PCDH15: variants seen among roughly 807,000 people sequenced by gnomAD.
The protein encoded by PCDH15 is protocadherin-15.
A neutral mutation model predicts 178.5 loss-of-function variants in PCDH15; 129 were observed. That is an observed-to-expected ratio of 0.72 (90% CI 0.63 to 0.84). PCDH15 has a LOEUF of 0.84. Among genes scored for constraint, PCDH15 ranks in the 40% least tolerant of loss-of-function variants. The pLI, the probability that PCDH15 is intolerant of heterozygous loss-of-function variation, is 0.00. For synonymous variants in PCDH15, 800 were observed against 732.0 expected, an observed-to-expected ratio of 1.09 and a Z score of -1.50; for missense variants, 2,230 against 2,099.9, an observed-to-expected ratio of 1.06 and a Z score of -1.21.
chr10:54,962,308 G>T (rs1267537219), intron 2 of PCDH15, among the ~76,000 whole-genome samples: 2 of 152,176 alleles, frequency 1.3e-5, no homozygotes. Flanking sequence ...CACCCCACGT[G>T]ATGGGAAGCA....
intron 25 of PCDH15, among the ~76,000 whole-genome samples, chr10:53,914,733 T>C (rs2083404318): frequency 6.6e-6 from 1 of 152,102 alleles, no homozygotes; most frequent in Non-Finnish European, 1.5e-5. Context: ...ATGCACATTG[T>C]GCACATGTAC....
intron 1 of PCDH15, among the ~76,000 whole-genome samples, chr10:55,168,273 T>A (rs1839246426): frequency 6.6e-6 from 1 of 152,160 alleles, no homozygotes; most frequent in African/African-American, 2.4e-5. Flanking sequence ...TGGTAGCATA[T>A]GAGACAATTT....
chr10:54,475,992 T>C (rs935462435), intron 3 of PCDH15, among the ~76,000 whole-genome samples: 2 of 146,736 alleles, frequency 1.4e-5, no homozygotes, highest in African/African-American at 4.9e-5. Flanking sequence ...ATATGATATA[T>C]ATACATATAT....
intron 2 of PCDH15, among the ~76,000 whole-genome samples, chr10:54,976,018 A>G (rs1839061721): frequency 6.6e-6 from 1 of 152,048 alleles, no homozygotes; most frequent in Non-Finnish European, 1.5e-5. Flanking sequence ...TCCATCCTTA[A>G]GTGTATCATG....
rs577584821 is a variant in PCDH15, at chr10:53,897,421, A to T, written c.3501+5822T>A. Among the ~76,000 whole-genome samples the T allele has an allele frequency of 9.2e-5, 14 of 152,342 alleles. No individual in the cohort carries two copies. In the South Asian group the frequency reaches 2.5e-3, roughly 27 times the overall value. ...AATTAAATTAAATATAGTTTAAAAA[A>T]TTTTAAAGTTTAAAACATTTTATAA... On this transcript the variant is annotated intron_variant, in intron 26 of 37. Coordinates refer to ENST00000644397, the MANE Select transcript of PCDH15 (RefSeq NM_001384140.1).
intron 5 of PCDH15, among the ~76,000 whole-genome samples, chr10:54,355,481 C>A (rs1395571615): frequency 6.6e-6 from 1 of 151,840 alleles, no homozygotes; most frequent in Non-Finnish European, 1.5e-5. Flanking sequence ...CATTCTTAAA[C>A]ACTGTGCAAT....
chr10:55,218,799 C>T (rs542388031), intron 1 of PCDH15, among the ~76,000 whole-genome samples: 5 of 152,056 alleles, frequency 3.3e-5, no homozygotes, highest in Admixed American at 1.3e-4. Context: ...AGAGATAAAG[C>T]TCTGTGACCC....
intron 3 of PCDH15, among the ~76,000 whole-genome samples, chr10:54,420,522 G>T (rs1321685982): frequency 6.6e-6 from 1 of 152,092 alleles, no homozygotes; most frequent in Non-Finnish European, 1.5e-5. Flanking sequence ...ACGATTCATG[G>T]AGCAGGTCAA....
intron 25 of PCDH15, among the ~76,000 whole-genome samples, chr10:53,928,780 A>T (rs138026279): frequency 2.4e-3 from 364 of 152,130 alleles, no homozygotes; most frequent in African/African-American, 8.6e-3. Flanking sequence ...ACTCTCTGGA[A>T]AGCATAAGTT....
chr10:53,908,368 T>C (rs1261146958), intron 25 of PCDH15, among the ~76,000 whole-genome samples: 1 of 152,224 alleles, frequency 6.6e-6, no homozygotes, highest in Non-Finnish European at 1.5e-5. Flanking sequence ...ATGGAAAGTT[T>C]CCAAATGCTA....
chr10:54,329,759 A>G, intron 6 of PCDH15, 53 bp from the exon 7 acceptor site: 2 of 1,160,868 alleles, frequency 1.7e-6, no homozygotes, highest in East Asian at 2.3e-5. Context: ...AGATGAATTA[A>G]TAACTCAATA....
intron 5 of PCDH15, among the ~76,000 whole-genome samples, chr10:54,347,480 C>T (rs561270718): frequency 1.6e-4 from 25 of 152,206 alleles, no homozygotes; most frequent in Admixed American, 1.2e-3. Context: ...ACAGACTGGA[C>T]GCTTTTAATG....
At chr10:54,210,218 T>G (rs2134070237) in intron 10 of PCDH15, among the ~76,000 whole-genome samples, 1 of 152,236 alleles carries the variant, frequency 6.6e-6, no homozygotes, top group South Asian at 2.1e-4. Context: ...CTTTTTTTTT[T>G]CTGGACAGAG....
Position 54,555,513 on chromosome 10 carries a change from CG to C in PCDH15, c.92-27637del, listed in dbSNP as rs563478962. On this transcript the variant is annotated intron_variant, in intron 2 of 37. Coordinates refer to ENST00000644397, the MANE Select transcript of PCDH15 (RefSeq NM_001384140.1). ...GTGGGAGGCCGAGGCGGGCAGATCA[CG>C]AGCTCAGGAGTTTGAGACCAGCCTG... is the stretch of plus-strand genomic sequence containing the variant. 9.3e-4 allele frequency among the ~76,000 whole-genome samples: 141 copies of C among 151,524 alleles called. 6 individuals carry two copies. In the South Asian group the frequency reaches 0.028, roughly 30 times the overall value.
At chr10:54,945,942 A>T (rs939139243) in intron 2 of PCDH15, among the ~76,000 whole-genome samples, 1 of 151,822 alleles carries the variant, frequency 6.6e-6, no homozygotes, top group Middle Eastern at 3.2e-3. Context: ...TGTGTGTTTC[A>T]ATGTACTCAA....
chr10:55,112,318 G>A (rs1837528286), intron 2 of PCDH15, among the ~76,000 whole-genome samples: 1 of 152,074 alleles, frequency 6.6e-6, no homozygotes, highest in African/African-American at 2.4e-5. Flanking sequence ...CTTGCCCTCT[G>A]TCCACCATGT....
At chr10:55,363,157 A>T (rs1845270289) in intron 2 of PCDH15, among the ~76,000 whole-genome samples, 1 of 152,154 alleles carries the variant, frequency 6.6e-6, no homozygotes, top group South Asian at 2.1e-4. Context: ...AATTTCCTAG[A>T]GACCTATCCA....
At chr10:54,911,721 T>C (rs1954821757) in intron 2 of PCDH15, among the ~76,000 whole-genome samples, 1 of 152,142 alleles carries the variant, frequency 6.6e-6, no homozygotes, top group Non-Finnish European at 1.5e-5. Flanking sequence ...GTTCTCCTGA[T>C]AGTGAGAGAG....
intron 2 of PCDH15, among the ~76,000 whole-genome samples, chr10:55,344,057 A>G (rs1844675407): frequency 6.6e-6 from 1 of 152,066 alleles, no homozygotes; most frequent in Non-Finnish European, 1.5e-5. Flanking sequence ...TGAATACACA[A>G]TTTAAGGAAG....
Sources: allele counts gnomAD v4.1 joint callset (sites outside exome capture counted in the v4.1 genomes callset), GRCh38; gene constraint gnomAD v4.1.1; transcripts MANE v1.5; gene names NCBI Gene and HGNC (gene_info 2026-07-23, HGNC 2026-07-21).